Variants in UGGT2 observed in about 807,000 individuals in gnomAD.
UGGT2 encodes UDP-glucose glycoprotein glucosyltransferase 2.
A neutral mutation model predicts 192.1 loss-of-function variants in UGGT2; 180 were observed. The observed-to-expected ratio is 0.94, with a 90% CI of 0.83 to 1.06. The LOEUF is 1.06. Among genes scored for constraint, UGGT2 ranks in the 50% least tolerant of loss-of-function variants. The probability of loss-of-function intolerance (pLI) is 0.00; values close to 1 mark genes in which losing one functional copy is unlikely to be tolerated. For synonymous variants in UGGT2, 580 were observed against 591.0 expected, an observed-to-expected ratio of 0.98 and a Z score of 0.27; for missense variants, 1,849 against 1,795.7, an observed-to-expected ratio of 1.03 and a Z score of -0.54.
chr13:95,930,818 T>C (rs2049228697), intron 17 of UGGT2, among the ~76,000 whole-genome samples: 1 of 152,148 alleles, frequency 6.6e-6, no homozygotes, highest in African/African-American at 2.4e-5. Context: ...TTCAGATGTG[T>C]TCGGGGTTTT....
intron 1 of UGGT2, among the ~76,000 whole-genome samples, chr13:96,050,489 TTAAAG>T (rs1390104238): frequency 6.6e-6 from 1 of 152,158 alleles, no homozygotes; most frequent in Non-Finnish European, 1.5e-5. Flanking sequence ...TGGGATCTAA[TTAAAG>T]TAAAGAGCAT....
At chr13:95,903,086 A>T (rs1037100097) in intron 20 of UGGT2, 26 bp from the exon 21 acceptor site, 1 of 1,592,414 alleles carries the variant, frequency 6.3e-7, no homozygotes, top group African/African-American at 1.4e-5. Context: ...TAGATTAAAA[A>T]GACCAGTATC....
At chr13:96,030,859 T>C (rs544799556) in intron 2 of UGGT2, among the ~76,000 whole-genome samples, 17 of 152,354 alleles carry the variant, frequency 1.1e-4, no homozygotes, top group African/African-American at 4.1e-4. Flanking sequence ...AAACAGAAAT[T>C]ACTATCTTAC....
chr13:95,950,018 C>T (rs1430070513), intron 12 of UGGT2, among the ~76,000 whole-genome samples: 1 of 152,102 alleles, frequency 6.6e-6, no homozygotes, highest in Non-Finnish European at 1.5e-5. Context: ...AAGCAGCAAG[C>T]TCCACATTCA....
intron 26 of UGGT2, 137 bp downstream of exon 26, chr13:95,887,742 TTAAGGTTAGTAAA>T (rs2047684938): frequency 1.8e-6 from 1 of 565,442 alleles, no homozygotes. Context: ...TTTAAGTCAG[TTAAGGTTAGTAAA>T]TAGTCTGACC....
intron 36 of UGGT2, among the ~76,000 whole-genome samples, chr13:95,841,210 G>C (rs1412679714): frequency 6.6e-6 from 1 of 152,132 alleles, no homozygotes; most frequent in African/African-American, 2.4e-5. Context: ...AGGACTTAGA[G>C]TAAAATAAAA....
At chr13:96,043,226 CA>C (rs1566855631) in intron 1 of UGGT2, among the ~76,000 whole-genome samples, 1 of 152,120 alleles carries the variant, frequency 6.6e-6, no homozygotes, top group Admixed American at 6.5e-5. Context: ...GCCTCTTAAA[CA>C]AAACAATTAT....
Position 95,970,301 on chromosome 13 carries a change from C to T in UGGT2, c.1185-39G>A, listed in dbSNP as rs200080049. ...GAAAAAACAGTTTTATTTTGATTTT[C>T]CAAATTAAAAACAAATGTTTTAAAG... On this transcript the variant is annotated intron_variant, in intron 11 of 38. Coordinates refer to ENST00000376747, the MANE Select transcript of UGGT2 (RefSeq NM_020121.4). The T allele has an allele frequency of 4.1e-5, 63 of 1,542,840 alleles. No homozygotes were observed. In the African/African-American group the frequency reaches 8.5e-4, roughly 21 times the overall value.
At chr13:95,926,357 A>C (rs562021605) in intron 19 of UGGT2, among the ~76,000 whole-genome samples, 65 of 152,216 alleles carry the variant, frequency 4.3e-4, no homozygotes, top group African/African-American at 1.5e-3. Context: ...AACATAGTTC[A>C]TTCCATCTGT....
intron 38 of UGGT2, among the ~76,000 whole-genome samples, chr13:95,814,188 A>G (rs1884708854): frequency 6.6e-6 from 1 of 152,170 alleles, no homozygotes; most frequent in Admixed American, 6.5e-5. Flanking sequence ...CTATGAGAAG[A>G]GGGCCACTGT....
intron 31 of UGGT2, among the ~76,000 whole-genome samples, 180 bp from the exon 32 acceptor site, chr13:95,861,063 GTTTT>G (rs887055822): frequency 6.6e-6 from 1 of 151,320 alleles, no homozygotes; most frequent in Non-Finnish European, 1.5e-5. Flanking sequence ...AGCTTTATGA[GTTTT>G]TTTTTAAATT....
intron 24 of UGGT2, 70 bp from the exon 25 acceptor site, chr13:95,891,034 C>G: frequency 4.7e-6 from 5 of 1,055,542 alleles, no homozygotes; most frequent in Middle Eastern, 2.3e-4. Flanking sequence ...ATGATCTTAG[C>G]TATATAATTC....
intron 37 of UGGT2, among the ~76,000 whole-genome samples, chr13:95,834,615 A>G (rs1200347833): frequency 6.6e-6 from 1 of 152,124 alleles, no homozygotes; most frequent in Non-Finnish European, 1.5e-5. Context: ...TTTCTCCTCC[A>G]TGAAGAATAG....
rs373969974 is a variant in UGGT2, at chr13:95,856,054, G to A, written c.4008+104C>T. ...ATATCACAATCGTATCTTAAGCACC[G>A]TAATGAAGATAATAAACATGAGCAA... On this transcript the variant is annotated intron_variant, in intron 34 of 38. Coordinates refer to ENST00000376747, the MANE Select transcript of UGGT2 (RefSeq NM_020121.4). The A allele has an allele frequency of 2.7e-4, 255 of 961,932 alleles. 3 individuals are homozygous for A. In the East Asian group the frequency reaches 3.9e-3, roughly 15 times the overall value. The allele number at this position is 961,932 out of a possible 1,614,324, so 59.6% of individuals were successfully genotyped here.
Position 95,820,699 on chromosome 13 carries a change from G to A in UGGT2, c.4528+12228C>T, listed in dbSNP as rs140356758. Among the ~76,000 whole-genome samples, 1,401 of 151,690 alleles carry A rather than the reference G, an allele frequency of 9.2e-3. 9 individuals are homozygous for A. Among genetic ancestry groups the A allele is most frequent in the Middle Eastern group, 0.024 (7 of 292 alleles). On this transcript the variant is annotated intron_variant, in intron 38 of 38. Coordinates refer to ENST00000376747, the MANE Select transcript of UGGT2 (RefSeq NM_020121.4). Reference sequence around the variant, plus strand: ...TGAATTCTCAGATTTTAGTGTACCCGTCACCTGAGTAGTGTACATTGTATC... The same window carrying A: ...TGAATTCTCAGATTTTAGTGTACCCATCACCTGAGTAGTGTACATTGTATC...
At chr13:95,840,880 A>G (rs191152148) in intron 36 of UGGT2, among the ~76,000 whole-genome samples, 1 of 152,316 alleles carries the variant, frequency 6.6e-6, no homozygotes, top group East Asian at 1.9e-4. Flanking sequence ...TATAAAAAAG[A>G]ATGAGTTCAT....
intron 1 of UGGT2, among the ~76,000 whole-genome samples, chr13:96,043,901 A>T (rs2053233929): frequency 6.6e-6 from 1 of 152,174 alleles, no homozygotes; most frequent in Non-Finnish European, 1.5e-5. Flanking sequence ...GATACACAGT[A>T]ACAAAATAAT....
rs2140510685 is a variant in UGGT2 at position 95,936,998 on chromosome 13, T to C, written c.1903A>G (p.Ile635Val). The C allele has an allele frequency of 6.2e-7, 1 of 1,605,822 alleles. No homozygotes were observed. Among genetic ancestry groups the C allele is most frequent in the South Asian group, 1.1e-5 (1 of 89,074 alleles). The change falls in exon 17 of 39, where the codon ATT becomes GTT. Residue 635 changes from isoleucine to valine, a missense_variant. Physicochemically the swap from Ile to Val is conservative, Grantham distance 29. Transcript: ENST00000376747. ...AGAACAGCCATTTTTAGTTCTTTAA[T>C]ATTCATCTCTTCATGTTTAAAGGGT... ...GEPFKHEEMN[I>V]KELKMAVLQR...
At chr13:95,982,227 C>T (rs770389356) in intron 10 of UGGT2, among the ~76,000 whole-genome samples, 2 of 152,120 alleles carry the variant, frequency 1.3e-5, no homozygotes, top group African/African-American at 4.8e-5. Context: ...GTAAGGTTTT[C>T]CTTTTAATGA....
Sources: gnomAD v4.1 joint callset for allele counts (sites outside exome capture counted in the v4.1 genomes callset) on GRCh38, gnomAD v4.1.1 for gene constraint, MANE v1.5 for transcripts, NCBI Gene and HGNC (gene_info 2026-07-23, HGNC 2026-07-21) for gene names.